Variants in MAGI2 observed in about 807,000 individuals in gnomAD.
The protein encoded by MAGI2 is membrane-associated guanylate kinase, WW and PDZ domain-containing protein 2.
A neutral mutation model predicts 133.3 loss-of-function variants in MAGI2; 35 were observed. The ratio of observed to expected loss-of-function variants is 0.26; its 90% CI spans 0.20 to 0.35. The LOEUF is 0.35. MAGI2 is among the 10% of genes least tolerant of loss of function. MAGI2 has a pLI of 1.00. For missense variants in MAGI2, 1,636 were observed against 1,863.4 expected (o/e 0.88, Z 2.25); for synonymous variants, 729 against 710.6 (o/e 1.03, Z -0.41).
intron 20 of MAGI2, among the ~76,000 whole-genome samples, chr7:78,085,585 CAA>C (rs1474049045): frequency 6.3e-5 from 9 of 143,204 alleles, no homozygotes; most frequent in African/African-American, 2.1e-4. Flanking sequence ...CACACACAAA[CAA>C]AACAAAATCA....
At chr7:78,528,981 GTT>G (rs1414099905) in intron 3 of MAGI2, among the ~76,000 whole-genome samples, 1 of 151,102 alleles carries the variant, frequency 6.6e-6, no homozygotes, top group Non-Finnish European at 1.5e-5. Flanking sequence ...AAGTGGGAAT[GTT>G]TGTTTTTTTT....
chr7:78,121,233 A>T (rs1162347444), intron 20 of MAGI2, among the ~76,000 whole-genome samples: 2 of 146,336 alleles, frequency 1.4e-5, no homozygotes, highest in Admixed American at 6.8e-5. Context: ...AGAAACTATA[A>T]AAAAAAAAAA....
At chr7:78,433,508 T>G (rs538056589) in intron 6 of MAGI2, among the ~76,000 whole-genome samples, 2 of 152,262 alleles carry the variant, frequency 1.3e-5, no homozygotes, top group South Asian at 4.1e-4. Flanking sequence ...TTCTTTGTAA[T>G]TTTAAATATT....
At chr7:78,345,554 G>A (rs371494619) in intron 8 of MAGI2, 1 of 203,542 alleles carries the variant, frequency 4.9e-6, no homozygotes, top group Non-Finnish European at 1.0e-5. Flanking sequence ...CCTAGGTAAT[G>A]TCCATGAGGA....
intron 1 of MAGI2, among the ~76,000 whole-genome samples, chr7:79,031,852 G>C (rs1303993137): frequency 1.3e-5 from 2 of 151,938 alleles, no homozygotes; most frequent in African/African-American, 4.8e-5. Context: ...TATAATAATT[G>C]ATTTAGATTT....
intron 1 of MAGI2, among the ~76,000 whole-genome samples, chr7:79,350,203 A>G (rs1841598372): frequency 1.3e-5 from 2 of 152,156 alleles, no homozygotes; most frequent in Admixed American, 1.3e-4. Context: ...ATGTTCCTTT[A>G]GGGTGTACCC....
At chr7:78,109,262 C>A (rs1407750799) in intron 20 of MAGI2, among the ~76,000 whole-genome samples, 8 of 118,144 alleles carry the variant, frequency 6.8e-5, no homozygotes, top group Admixed American at 1.1e-4. Context: ...CGACATCGAG[C>A]CACTGCAGTC....
intron 6 of MAGI2, among the ~76,000 whole-genome samples, chr7:78,468,491 G>A (rs1202701200): frequency 6.6e-6 from 1 of 152,040 alleles, no homozygotes; most frequent in Non-Finnish European, 1.5e-5. Context: ...TCTTATGGCT[G>A]TCATTCTTGC....
chr7:79,282,558 A>G (rs1835733556), intron 1 of MAGI2, among the ~76,000 whole-genome samples: 1 of 152,172 alleles, frequency 6.6e-6, no homozygotes, highest in Admixed American at 6.5e-5. Flanking sequence ...TATCTACTAC[A>G]TCTTTTAAGC....
intron 2 of MAGI2, among the ~76,000 whole-genome samples, chr7:78,969,133 G>T (rs918178472): frequency 6.6e-6 from 1 of 152,002 alleles, no homozygotes; most frequent in Non-Finnish European, 1.5e-5. Context: ...GGGTCATGGC[G>T]CAGGACAAGT....
chr7:79,137,739 G>C (rs377530636), intron 1 of MAGI2, among the ~76,000 whole-genome samples: 8 of 151,932 alleles, frequency 5.3e-5, no homozygotes, highest in African/African-American at 1.9e-4. Flanking sequence ...CTGGGATTAC[G>C]GGCATAAGCC....
chr7:78,292,726 G>C (rs571380773), intron 9 of MAGI2, among the ~76,000 whole-genome samples: 39 of 152,136 alleles, frequency 2.6e-4, no homozygotes, highest in East Asian at 9.7e-4. Context: ...GTACTGGTAC[G>C]AAAACAGAGA....
intron 1 of MAGI2, among the ~76,000 whole-genome samples, chr7:79,053,224 T>C (rs908755351): frequency 6.6e-6 from 1 of 152,106 alleles, no homozygotes; most frequent in Non-Finnish European, 1.5e-5. Context: ...CCACCCATCT[T>C]GGCCTCCCGA....
chr7:78,046,665 C>T (rs566856593), intron 21 of MAGI2, among the ~76,000 whole-genome samples: 110 of 152,234 alleles, frequency 7.2e-4, no homozygotes, highest in African/African-American at 2.5e-3. Flanking sequence ...TTTTAATCAA[C>T]GTCCTCTACC....
At chr7:78,292,536 C>T (rs2151045303) in intron 9 of MAGI2, among the ~76,000 whole-genome samples, 1 of 152,264 alleles carries the variant, frequency 6.6e-6, no homozygotes, top group African/African-American at 2.4e-5. Context: ...TCAATGCCAT[C>T]CCCATCAAGC....
chr7:78,244,968 A>G (rs1791605733), intron 10 of MAGI2, among the ~76,000 whole-genome samples: 1 of 152,212 alleles, frequency 6.6e-6, no homozygotes, highest in African/African-American at 2.4e-5. Context: ...AGAGTGTAAA[A>G]TGAGACTTTC....
chr7:78,763,539 T>A (rs988214109), intron 2 of MAGI2, among the ~76,000 whole-genome samples: 1 of 152,200 alleles, frequency 6.6e-6, no homozygotes, highest in Non-Finnish European at 1.5e-5. Context: ...ATGACTTATA[T>A]ACTCTGGCTT....
At position 79,028,235 on chromosome 7, in the gene MAGI2, G is replaced by GTATATATA. The variant is rs1174096501; in HGVS notation, c.302-21037_302-21030dup. 6.7e-3 allele frequency among the ~76,000 whole-genome samples: 194 copies of GTATATATA among 29,154 alleles called. 1 individual carries two copies. Among genetic ancestry groups the GTATATATA allele is most frequent in the Admixed American group, 0.01 (24 of 2,366 alleles). The allele number at this position is 29,154 out of a possible 152,430, so 19.1% of individuals were successfully genotyped here. On this transcript the variant is annotated intron_variant, in intron 1 of 21. Transcript: ENST00000354212. Reference sequence around the variant, plus strand: ...CAAAAAAATATATATATATATGTATGTATATATATATATATATATATATAT... The same window carrying GTATATATA: ...CAAAAAAATATATATATATATGTATGTATATATATATATATATATATATATATATATAT...
At chr7:79,374,531 T>G (rs564859548) in intron 1 of MAGI2, among the ~76,000 whole-genome samples, 1 of 152,108 alleles carries the variant, frequency 6.6e-6, no homozygotes, top group African/African-American at 2.4e-5. Flanking sequence ...AAAATGAATT[T>G]ATGCTTCAGC....
Sources: allele counts gnomAD v4.1 joint callset (sites outside exome capture counted in the v4.1 genomes callset), GRCh38; gene constraint gnomAD v4.1.1; transcripts MANE v1.5; gene names NCBI Gene and HGNC (gene_info 2026-07-23, HGNC 2026-07-21).